The following MYT1 variants were observed in gnomAD, a reference collection of about 807,000 sequenced individuals.
The protein encoded by MYT1 is myelin transcription factor I.
Under a neutral mutation model 123.0 loss-of-function variants are expected in MYT1, and 23 were observed. The observed-to-expected ratio is 0.19, with a 90% CI of 0.13 to 0.26. MYT1 has a LOEUF of 0.26. Ranked by LOEUF, MYT1 falls within the 10% of genes least tolerant of loss-of-function variation. The pLI, the probability that MYT1 is intolerant of heterozygous loss-of-function variation, is 1.00. For missense variants in MYT1, 1,125 were observed against 1,472.5 expected (o/e 0.76, Z 3.86); for synonymous variants, 518 against 575.3 (o/e 0.90, Z 1.43).
chr20:64,165,122 T>G (rs1189273357), intron 1 of MYT1, among the ~76,000 whole-genome samples: 1 of 152,044 alleles, frequency 6.6e-6, no homozygotes, highest in African/African-American at 2.4e-5. Context: ...AGCAGCCCCG[T>G]ACCTGGGGAG....
chr20:64,225,881 G>C (rs1468789776), intron 16 of MYT1, among the ~76,000 whole-genome samples: 1 of 152,184 alleles, frequency 6.6e-6, no homozygotes, highest in Non-Finnish European at 1.5e-5. Flanking sequence ...GGTACTGCCG[G>C]CCCCTTGGGA....
At chr20:64,217,363 C>A (rs1009730965) in intron 11 of MYT1, 82 bp downstream of exon 11, 4 of 1,465,388 alleles carry the variant, frequency 2.7e-6, no homozygotes, top group Non-Finnish European at 3.8e-6. Flanking sequence ...GGAGGAGGGA[C>A]CCTCTCGAGG....
chr20:64,211,916 C>A, intron 8 of MYT1, 132 bp from the exon 9 acceptor site: 1 of 734,072 alleles, frequency 1.4e-6, no homozygotes, highest in Non-Finnish European at 2.4e-6. Flanking sequence ...TTGCTGTGTC[C>A]CCCACCTGCC....
At chr20:64,201,301 G>T (rs1024871712) in intron 4 of MYT1, among the ~76,000 whole-genome samples, 3 of 152,152 alleles carry the variant, frequency 2.0e-5, no homozygotes, top group African/African-American at 7.2e-5. Flanking sequence ...CTAAGTGAGG[G>T]GTTCTGTGAG....
At chr20:64,225,257 C>G (rs547833306) in intron 16 of MYT1, among the ~76,000 whole-genome samples, 1 of 152,236 alleles carries the variant, frequency 6.6e-6, no homozygotes, top group Admixed American at 6.5e-5. Flanking sequence ...GAGGCGGCAT[C>G]GGGCACTGGC....
intron 1 of MYT1, among the ~76,000 whole-genome samples, chr20:64,177,629 G>A (rs527376037): frequency 6.6e-6 from 1 of 151,700 alleles, no homozygotes; most frequent in Non-Finnish European, 1.5e-5. Flanking sequence ...CTCTCCGGGG[G>A]CGGGGACAAG....
At chr20:64,187,396 G>A (rs1365646306) in intron 1 of MYT1, among the ~76,000 whole-genome samples, 1 of 150,402 alleles carries the variant, frequency 6.6e-6, no homozygotes, top group African/African-American at 2.5e-5. Context: ...CCTGTGGCAC[G>A]TGGCCCCGGC....
chr20:64,176,930 G>A (rs1486810308), intron 1 of MYT1, among the ~76,000 whole-genome samples: 2 of 152,238 alleles, frequency 1.3e-5, no homozygotes, highest in Non-Finnish European at 2.9e-5. Context: ...GAGCAGTTTA[G>A]CTGTTGTTTT....
Position 64,231,046 on chromosome 20 carries a change from G to A in MYT1, c.2676-1118G>A, listed in dbSNP as rs917842629. On this transcript the variant is annotated intron_variant, in intron 18 of 22. Transcript: ENST00000328439. The surrounding 1 kb of genome is among the most constrained non-coding windows in gnomAD (Gnocchi z 6.4). Reference sequence around the variant, plus strand: ...GGCGGGAGCCTCTGCCCCCGCCCCCGCCCCCTGCTACCGTCCTCCCGAGCG... The same window carrying A: ...GGCGGGAGCCTCTGCCCCCGCCCCCACCCCCTGCTACCGTCCTCCCGAGCG... Among the ~76,000 whole-genome samples, 1 of 59,688 alleles carries A rather than the reference G, an allele frequency of 1.7e-5. No individual in the cohort carries two copies. The highest frequency in any genetic ancestry group is 1.7e-4 in the Admixed American group (1 of 5,962). The allele number at this position is 59,688 out of a possible 152,430, so 39.2% of individuals were successfully genotyped here.
chr20:64,225,152 C>T (rs1304871361), intron 16 of MYT1, among the ~76,000 whole-genome samples: 1 of 152,210 alleles, frequency 6.6e-6, no homozygotes, highest in Non-Finnish European at 1.5e-5. Context: ...TTCCTTTCCT[C>T]CCTCCGACCA....
chr20:64,222,588 C>T (rs1369262906), intron 14 of MYT1, among the ~76,000 whole-genome samples: 1 of 152,256 alleles, frequency 6.6e-6, no homozygotes, highest in Non-Finnish European at 1.5e-5. Context: ...ACCTTCTGGT[C>T]AGCCTTCATT....
At chr20:64,224,747 T>G (rs1240377390) in intron 16 of MYT1, among the ~76,000 whole-genome samples, 3 of 152,214 alleles carry the variant, frequency 2.0e-5, no homozygotes, top group Non-Finnish European at 2.9e-5. Context: ...CTTTTTCCTT[T>G]TCCAATTCTG....
At chr20:64,228,142 A>G in intron 18 of MYT1, 171 bp downstream of exon 18, 1 of 641,712 alleles carries the variant, frequency 1.6e-6, no homozygotes. Flanking sequence ...CTCATACGCT[A>G]CACGTTGATA....
intron 18 of MYT1, among the ~76,000 whole-genome samples, chr20:64,230,624 C>T (rs991364861): frequency 3.3e-5 from 5 of 152,258 alleles, no homozygotes; most frequent in Admixed American, 1.3e-4. Context: ...CAGTCTGTGC[C>T]TGGTGCAGGT....
In MYT1 at chr20:64,202,341, G is replaced by A. The variant is rs1270911810; in HGVS notation, c.86+2419G>A. On this transcript the variant is annotated intron_variant, in intron 4 of 22. Coordinates refer to ENST00000328439, the MANE Select transcript of MYT1 (RefSeq NM_004535.3). This position sits in a 1 kb window ranked among gnomAD's most constrained non-coding sequence, Gnocchi z 5.0. ...TTCCTTTCACCCCATCGGGAGAACT[G>A]ATGACGTTTCAGCTTGTATTTTTGC... 6.6e-6 allele frequency among the ~76,000 whole-genome samples: 1 copy of A among 152,174 alleles called. No homozygotes were observed. The highest frequency in any genetic ancestry group is 2.4e-5 in the African/African-American group (1 of 41,432).
intron 1 of MYT1, among the ~76,000 whole-genome samples, chr20:64,184,161 A>G (rs1982732651): frequency 6.6e-6 from 1 of 152,106 alleles, no homozygotes; most frequent in African/African-American, 2.4e-5. Flanking sequence ...ACCTTGTTGA[A>G]GTCCAATATA....
In MYT1 at chr20:64,186,343, G is replaced by C. The variant is rs964912471; in HGVS notation, c.-98-3720G>C. ...CCAGGAGACGTGCTCAGGATGGAGC[G>C]GTCTCTGATGTTCCGTTTCCCATTC... On this transcript the variant is annotated intron_variant, in intron 1 of 22. Transcript: ENST00000328439. This position sits in a 1 kb window ranked among gnomAD's most constrained non-coding sequence, Gnocchi z 4.3. Among the ~76,000 whole-genome samples, 1 of 152,116 alleles carries C rather than the reference G, an allele frequency of 6.6e-6. No individual in the cohort carries two copies. Among genetic ancestry groups the C allele is most frequent in the African/African-American group, 2.4e-5 (1 of 41,426 alleles).
chr20:64,217,670 G>C (rs373884224), intron 11 of MYT1, among the ~76,000 whole-genome samples: 2 of 152,214 alleles, frequency 1.3e-5, no homozygotes, highest in African/African-American at 4.8e-5. Flanking sequence ...CAGTGCAGCC[G>C]GCTGTCCATT....
In MYT1 at chr20:64,212,535, C is replaced by A. The variant is rs749178366; in HGVS notation, c.1517+397C>A. 2.0e-5 allele frequency among the ~76,000 whole-genome samples: 3 copies of A among 152,170 alleles called. No individual in the cohort carries two copies. The highest frequency in any genetic ancestry group is 2.9e-5 in the Non-Finnish European group (2 of 68,016). On this transcript the variant is annotated intron_variant, in intron 9 of 22. Transcript: ENST00000328439. The surrounding 1 kb of genome is among the most constrained non-coding windows in gnomAD (Gnocchi z 6.8). The stretch of plus-strand genomic sequence containing the variant: ...TCCCGAGAGAGCAGGGGGCGGCCTG[C>A]AGAGGAGGGAGCAATGCACCCTCTG...
Sources: gnomAD v4.1 joint callset for allele counts (sites outside exome capture counted in the v4.1 genomes callset) on GRCh38, gnomAD v4.1.1 for gene constraint, Gnocchi (gnomAD v3.1) non-coding constraint, MANE v1.5 for transcripts, NCBI Gene and HGNC (gene_info 2026-07-23, HGNC 2026-07-21) for gene names.